The following IL17REL variants were observed in gnomAD, a reference collection of about 807,000 sequenced individuals.
The protein encoded by IL17REL is interleukin 17 receptor E like.
A neutral mutation model predicts 49.0 loss-of-function variants in IL17REL; 36 were observed. The ratio of observed to expected loss-of-function variants is 0.73; its 90% CI spans 0.56 to 0.97. IL17REL has a LOEUF of 0.97. Ranked by LOEUF, IL17REL falls within the 50% of genes least tolerant of loss-of-function variation. The pLI is 0.00. For synonymous variants in IL17REL, 206 were observed against 192.4 expected (o/e 1.07, Z -0.58); for missense variants, 470 against 453.9 (o/e 1.04, Z -0.32).
exon 13 of IL17REL, chr22:49,996,846 A>T (rs1269471280): frequency 1.7e-6 from 1 of 572,160 alleles, no homozygotes; most frequent in East Asian, 3.1e-5. Flanking sequence ...AGAAGTGTAC[A>T]TCGGTCCTCC....
chr22:49,997,602 T>C (rs748241763), intron 10 of IL17REL, 83 bp downstream of exon 12: 3 of 1,491,708 alleles, frequency 2.0e-6, no homozygotes, highest in Non-Finnish European at 2.8e-6. Flanking sequence ...GGCACCGTTA[T>C]TCCACCTCCC....
intron 1 of IL17REL, among the ~76,000 whole-genome samples, chr22:50,004,919 A>G (rs2061100525): frequency 6.6e-6 from 1 of 151,654 alleles, no homozygotes; most frequent in Admixed American, 6.6e-5. Flanking sequence ...CTTTCTAGAA[A>G]AAAGACAAAG....
chr22:49,997,624 G>T, intron 10 of IL17REL, 61 bp downstream of exon 12: 1 of 1,535,276 alleles, frequency 6.5e-7, no homozygotes, highest in Non-Finnish European at 9.0e-7. Flanking sequence ...GACCAGCACA[G>T]AGTGATATAA....
intron 1 of IL17REL, among the ~76,000 whole-genome samples, chr22:50,006,977 G>A (rs1352349623): frequency 1.3e-5 from 2 of 151,168 alleles, no homozygotes; most frequent in African/African-American, 4.9e-5. Context: ...AAAAAGGGAG[G>A]GGATGTTAAA....
At chr22:50,000,416 A>AC in intron 4 of IL17REL, 62 bp downstream of exon 5, 1 of 1,294,936 alleles carries the variant, frequency 7.7e-7, no homozygotes, top group Non-Finnish European at 1.1e-6. Context: ...GGCAAGTCCC[A>AC]CCCCAAGCCA....
At chr22:50,006,145 G>C (rs2061109315) in intron 1 of IL17REL, among the ~76,000 whole-genome samples, 1 of 152,024 alleles carries the variant, frequency 6.6e-6, no homozygotes, top group Admixed American at 6.6e-5. Flanking sequence ...CCCACGTTGA[G>C]CTAGGCCTTG....
chr22:50,010,321 G>A (rs1171417023), upstream of IL17REL, among the ~76,000 whole-genome samples: 1 of 152,250 alleles, frequency 6.6e-6, no homozygotes, highest in Non-Finnish European at 1.5e-5. Flanking sequence ...AGGCAAAAGG[G>A]GCCGGGCTCA....
exon 8 of IL17REL, chr22:49,998,273 T>G (rs1355919604): frequency 1.2e-6 from 2 of 1,611,402 alleles, no homozygotes; most frequent in Non-Finnish European, 1.7e-6. Context: ...CGGGTGGTAG[T>G]AGACCGTGTC....
exon 2 of IL17REL, chr22:50,001,161 C>A (rs765880624): frequency 1.2e-6 from 2 of 1,606,054 alleles, no homozygotes; most frequent in South Asian, 1.1e-5. Flanking sequence ...CAGTGGAGGA[C>A]GTCAGGGCCT....
exon 13 of IL17REL, chr22:49,995,685 CAT>C (rs1370287707): frequency 1.3e-5 from 2 of 152,338 alleles, no homozygotes; most frequent in African/African-American, 2.4e-5. Flanking sequence ...GAGGCTGAGA[CAT>C]GTGAGGGAAG....
intron 1 of IL17REL, among the ~76,000 whole-genome samples, chr22:50,004,076 TTGTTTTTTTG>T (rs1455384160): frequency 6.6e-6 from 1 of 151,976 alleles, no homozygotes; most frequent in Non-Finnish European, 1.5e-5. Context: ...TTTTAGTTTT[TTGTTTTTTTG>T]TGTTTTTTTT....
downstream of IL17REL, among the ~76,000 whole-genome samples, chr22:49,992,920 C>T (rs1450245961): frequency 6.6e-6 from 1 of 152,124 alleles, no homozygotes; most frequent in Non-Finnish European, 1.5e-5. Flanking sequence ...CCCAGACCCA[C>T]CCTATTTCAG....
chr22:50,000,174 G>A (rs1242831660), intron 4 of IL17REL, among the ~76,000 whole-genome samples, 22 bp downstream of exon 6: 1 of 152,216 alleles, frequency 6.6e-6, no homozygotes. Context: ...TCTTCGCAGG[G>A]GCGTCGAAGG....
At chr22:50,001,122 G>C (rs771026898) in exon 2 of IL17REL, 1 of 1,602,966 alleles carries the variant, frequency 6.2e-7, no homozygotes, top group Admixed American at 1.7e-5. Flanking sequence ...GGAGCATCGC[G>C]CAGCCGTCAG....
At chr22:50,011,997 G>C (rs1244241003), upstream of IL17REL, among the ~76,000 whole-genome samples, 3 of 152,214 alleles carry the variant, frequency 2.0e-5, no homozygotes, top group Admixed American at 6.5e-5. Flanking sequence ...TGCCCGGCCA[G>C]CCTTGGGCAC....
At position 49,997,677 on chromosome 22, in the gene IL17REL, G is replaced by A. The variant is rs758748065; in HGVS notation, c.877+8C>T. 29 of 1,613,176 alleles carry A rather than the reference G, an allele frequency of 1.8e-5. No individual in the cohort carries two copies. Among genetic ancestry groups the A allele is most frequent in the Non-Finnish European group, 2.5e-5 (29 of 1,179,316 alleles). The stretch of plus-strand genomic sequence containing the variant: ...GTCCACATTGCGTAGGCCTCATGGA[G>A]AACTTACTTGGGAAGCGACGCTGTT... On this transcript the variant is annotated splice_region_variant and intron_variant, in intron 10 of 12. Coordinates refer to ENST00000341280, the Ensembl canonical transcript of IL17REL.
chr22:49,999,931 T>C (rs1202571322), exon 5 of IL17REL: 3 of 1,533,156 alleles, frequency 2.0e-6, no homozygotes, highest in African/African-American at 2.8e-5. Context: ...CAGAATCGCC[T>C]TGCGCCTCCG....
At chr22:49,997,905 T>G in intron 9 of IL17REL, 120 bp downstream of exon 11, 3 of 1,448,976 alleles carry the variant, frequency 2.1e-6, no homozygotes, top group South Asian at 1.2e-5. Flanking sequence ...GAGGGGGCTC[T>G]GAGGGACGCC....
At position 49,999,355 on chromosome 22, in the gene IL17REL, G is replaced by T; in HGVS notation, c.547-10C>A. ...GGGTCGCAGACCAGCCCTGTGGGAG[G>T]GGCTGGGGTCAGCGCAGCCCACCCA... On this transcript the variant is annotated splice_polypyrimidine_tract_variant and intron_variant, in intron 6 of 12. Transcript: ENST00000341280. The T allele has an allele frequency of 6.2e-7, 1 of 1,612,934 alleles. No individual in the cohort carries two copies. Among genetic ancestry groups the T allele is most frequent in the African/African-American group, 1.3e-5 (1 of 75,024 alleles).
Sources: gnomAD v4.1 joint callset for allele counts (sites outside exome capture counted in the v4.1 genomes callset) on GRCh38, gnomAD v4.1.1 for gene constraint, MANE v1.5 for transcripts, NCBI Gene and HGNC (gene_info 2026-07-23, HGNC 2026-07-21) for gene names.